The following RCOR3 variants were observed in gnomAD, a reference collection of about 807,000 sequenced individuals.
The protein encoded by RCOR3 is REST corepressor 3.
Under a neutral mutation model 64.1 loss-of-function variants are expected in RCOR3, and 13 were observed. The observed-to-expected ratio is 0.20, with a 90% CI of 0.13 to 0.32. The LOEUF (loss-of-function observed/expected upper bound fraction) is 0.32. Among genes scored for constraint, RCOR3 ranks in the 10% least tolerant of loss-of-function variants. The pLI, the probability that RCOR3 is intolerant of heterozygous loss-of-function variation, is 1.00. For missense variants in RCOR3, 489 were observed against 701.2 expected (o/e 0.70, Z 3.42); for synonymous variants, 215 against 239.0 (o/e 0.90, Z 0.93).
chr1:211,294,878 C>G (rs1317261109), intron 8 of RCOR3, among the ~76,000 whole-genome samples: 1 of 151,802 alleles, frequency 6.6e-6, no homozygotes, highest in Admixed American at 6.6e-5. Context: ...CGTGAGCCAC[C>G]GCACCCAGCC....
intron 5 of RCOR3, among the ~76,000 whole-genome samples, chr1:211,276,733 T>C (rs556557831): frequency 6.6e-6 from 1 of 152,330 alleles, no homozygotes; most frequent in Admixed American, 6.5e-5. Flanking sequence ...AATGTTTCAC[T>C]CTTTGACACG....
At chr1:211,263,052 G>T in intron 2 of RCOR3, among the ~76,000 whole-genome samples, 1 of 121,876 alleles carries the variant, frequency 8.2e-6, no homozygotes, top group Non-Finnish European at 1.6e-5. Flanking sequence ...TCCCCAGAGT[G>T]TGATGTTCCC....
At chr1:211,308,765 A>ACAG (rs1375839288) in intron 10 of RCOR3, among the ~76,000 whole-genome samples, 2 of 90,406 alleles carry the variant, frequency 2.2e-5, no homozygotes, top group Non-Finnish European at 5.1e-5. Flanking sequence ...AGGCTGGAGC[A>ACAG]CAGTGTCAGT....
intron 7 of RCOR3, among the ~76,000 whole-genome samples, chr1:211,286,312 CT>C (rs11306768): frequency 0.91 from 112,411 of 122,984 alleles, 51,351 homozygotes; most frequent in East Asian, 0.98. Context: ...TATTTCTTTT[CT>C]TTTTTTTTTT....
chr1:211,294,061 T>A (rs1183467991), intron 8 of RCOR3, among the ~76,000 whole-genome samples: 1 of 152,232 alleles, frequency 6.6e-6, no homozygotes, highest in Non-Finnish European at 1.5e-5. Flanking sequence ...TCTGTTCTGC[T>A]ATAACTTTTT....
chr1:211,288,552 A>G (rs1698847846), intron 7 of RCOR3, among the ~76,000 whole-genome samples: 1 of 146,428 alleles, frequency 6.8e-6, no homozygotes, highest in Admixed American at 6.8e-5. Context: ...ATTATTTATA[A>G]ATATTTTATT....
intron 2 of RCOR3, among the ~76,000 whole-genome samples, chr1:211,262,317 G>A (rs145050230): frequency 0.033 from 5,068 of 152,088 alleles, 265 homozygotes; most frequent in African/African-American, 0.12. Flanking sequence ...TTACAGGTAT[G>A]AGCCATCGCG....
chr1:211,300,071 C>CTTTTTTTTTTTTTTT (rs11419492), intron 9 of RCOR3, among the ~76,000 whole-genome samples: 1 of 121,300 alleles, frequency 8.2e-6, no homozygotes, highest in Non-Finnish European at 1.7e-5. Flanking sequence ...TTCTTTCTTT[C>CTTTTTTTTTTTTTTT]TTTTTTTTTT....
chr1:211,304,037 G>T (rs1237027348), intron 9 of RCOR3, 46 bp from the exon 10 acceptor site: 4 of 1,376,600 alleles, frequency 2.9e-6, no homozygotes, highest in Non-Finnish European at 4.0e-6. Flanking sequence ...TTTGGAAAAT[G>T]TCTGTCTTCA....
rs749526231 is a variant in RCOR3, at chr1:211,289,321, A to G, written c.864A>G (p.Ala288=). ...GMYLTQEDVV[A]VSCSPNAANT... ...ATTTAACCCAGGAAGATGTGGTAGC[A>G]GTTTCCTGTAGTCCCAATGCAGCCA... The change falls in exon 8 of 12, where the codon GCA becomes GCG. Residue 288 remains alanine, a synonymous_variant. Transcript: ENST00000419091. The G allele has an allele frequency of 6.2e-7, 1 of 1,614,164 alleles. No individual in the cohort carries two copies. Among genetic ancestry groups the G allele is most frequent in the Admixed American group, 1.7e-5 (1 of 60,028 alleles).
Position 211,313,295 on chromosome 1 carries a change from T to G in RCOR3, c.1318-129T>G. On this transcript the variant is annotated intron_variant, in intron 11 of 11. Transcript: ENST00000419091. This position sits in a 1 kb window ranked among gnomAD's most constrained non-coding sequence, Gnocchi z 4.7. ...AAATAAAAGAAGCTTGTGCTTCCAA[T>G]AAACACTGGTGTTATGTTTTTGTTT... The G allele has an allele frequency of 6.9e-7, 1 of 1,443,632 alleles. No homozygotes were observed. The allele number at this position is 1,443,632 out of a possible 1,614,324, so 89.4% of individuals were successfully genotyped here.
At chr1:211,278,766 T>A (rs1351111679) in intron 6 of RCOR3, among the ~76,000 whole-genome samples, 1 of 151,704 alleles carries the variant, frequency 6.6e-6, no homozygotes, top group East Asian at 1.9e-4. Context: ...TAAATGTTTC[T>A]GAACACTACA....
At position 211,259,433 on chromosome 1, in the gene RCOR3, C is replaced by G. The variant is rs921352632; in HGVS notation, c.-128C>G. On this transcript the variant is annotated 5_prime_UTR_variant, in exon 1 of 12. Transcript: ENST00000419091. ...ATGGCGGCTCCATATTAACAGCCTC[C>G]TCCTCCTCCGCCGCCGCCGCCGTCT... 49 of 942,872 alleles carry G rather than the reference C, an allele frequency of 5.2e-5. No homozygotes were observed. In the South Asian group the frequency reaches 7.5e-4, roughly 14 times the overall value. The allele number at this position is 942,872 out of a possible 1,614,324, so 58.4% of individuals were successfully genotyped here.
At chr1:211,296,016 T>C (rs917434581) in intron 9 of RCOR3, among the ~76,000 whole-genome samples, 10 of 152,200 alleles carry the variant, frequency 6.6e-5, no homozygotes, top group African/African-American at 2.4e-4. Context: ...AGGAACAGTG[T>C]ATGTGAAACT....
At chr1:211,301,160 T>A (rs1185161886) in intron 9 of RCOR3, among the ~76,000 whole-genome samples, 1 of 152,192 alleles carries the variant, frequency 6.6e-6, no homozygotes, top group Non-Finnish European at 1.5e-5. Flanking sequence ...TCCATTGTTT[T>A]TTCTTATAAA....
At chr1:211,276,203 G>A in intron 4 of RCOR3, 54 bp from the exon 5 acceptor site, 2 of 1,507,010 alleles carry the variant, frequency 1.3e-6, no homozygotes, top group South Asian at 2.4e-5. Flanking sequence ...ACTTTCTTAA[G>A]TGTGATGGAA....
At chr1:211,284,210 C>T (rs144055909) in intron 7 of RCOR3, among the ~76,000 whole-genome samples, 1,743 of 151,762 alleles carry the variant, frequency 0.011, 20 homozygotes, top group African/African-American at 0.032. Flanking sequence ...CCTGCCACCA[C>T]GCCTGGCTAA....
chr1:211,284,666 C>G (rs1348176764), intron 7 of RCOR3, among the ~76,000 whole-genome samples: 2 of 152,050 alleles, frequency 1.3e-5, no homozygotes, highest in African/African-American at 4.8e-5. Flanking sequence ...TACAGGCATG[C>G]ACCACCACAC....
In RCOR3 at chr1:211,294,145, T is replaced by G. The variant is rs115266757; in HGVS notation, c.940-1531T>G. 9.1e-3 allele frequency among the ~76,000 whole-genome samples: 1,379 copies of G among 152,350 alleles called. 16 individuals are homozygous for G. The highest frequency in any genetic ancestry group is 0.032 in the African/African-American group (1,311 of 41,576). ...TTGAGCATAACATGAATTTTTTGTT[T>G]GTTTATGTATGATTTTTGTCAGCAA... On this transcript the variant is annotated intron_variant, in intron 8 of 11. Coordinates refer to ENST00000419091, the MANE Select transcript of RCOR3 (RefSeq NM_001136223.3).
Sources: gnomAD v4.1 joint callset for allele counts (sites outside exome capture counted in the v4.1 genomes callset) on GRCh38, gnomAD v4.1.1 for gene constraint, Gnocchi (gnomAD v3.1) non-coding constraint, MANE v1.5 for transcripts, NCBI Gene and HGNC (gene_info 2026-07-23, HGNC 2026-07-21) for gene names.